The following FLVCR1 variants were observed in gnomAD, a reference collection of about 807,000 sequenced individuals.
FLVCR1 encodes the protein choline/ethanolamine transporter FLVCR1.
FLVCR1 carries 34 observed loss-of-function variants against 53.6 expected under a neutral mutation model. The observed-to-expected ratio is 0.63, with a 90% CI of 0.48 to 0.84. The LOEUF (loss-of-function observed/expected upper bound fraction) is 0.84, where lower values mean the gene tolerates loss of function less well. Among genes scored for constraint, FLVCR1 ranks in the 40% least tolerant of loss-of-function variants. The pLI, the probability that FLVCR1 is intolerant of heterozygous loss-of-function variation, is 0.00. For missense variants in FLVCR1, 677 were observed against 696.7 expected (o/e 0.97, Z 0.32); for synonymous variants, 300 against 286.3 (o/e 1.05, Z -0.48).
rs1241303442 is a variant in FLVCR1, at chr1:212,895,355, G to A, written c.*65G>A. ...AATGTGATCATCCTTGGAGAGAGATGTGAGCACCAAGGCTGGGTTTGTATG... is the reference window on the plus strand; with the variant it reads ...AATGTGATCATCCTTGGAGAGAGATATGAGCACCAAGGCTGGGTTTGTATG... On this transcript the variant is annotated 3_prime_UTR_variant, in exon 10 of 10. Coordinates refer to ENST00000366971, the MANE Select transcript of FLVCR1 (RefSeq NM_014053.4). The A allele has an allele frequency of 4.9e-6, 6 of 1,234,908 alleles. No individual in the cohort carries two copies. Among genetic ancestry groups the A allele is most frequent in the Non-Finnish European group, 7.2e-6 (6 of 834,350 alleles). The allele number at this position is 1,234,908 out of a possible 1,614,324, so 76.5% of individuals were successfully genotyped here.
At position 212,874,916 on chromosome 1, in the gene FLVCR1, T is replaced by TACACACAC. The variant is rs57061343; in HGVS notation, c.1024+2116_1024+2123dup. 5.5e-3 allele frequency among the ~76,000 whole-genome samples: 817 copies of TACACACAC among 149,130 alleles called. 2 individuals are homozygous for TACACACAC. The highest frequency in any genetic ancestry group is 0.022 in the East Asian group (114 of 5,082). ...CTTATAACCAACCCTGTCACAGACGTACACACACACACACACACACACACA... is the reference window on the plus strand; with the variant it reads ...CTTATAACCAACCCTGTCACAGACGTACACACACACACACACACACACACACACACACA... On this transcript the variant is annotated intron_variant, in intron 3 of 9. Coordinates refer to ENST00000366971, the MANE Select transcript of FLVCR1 (RefSeq NM_014053.4).
chr1:212,873,072 C>T (rs182974917), intron 3 of FLVCR1, among the ~76,000 whole-genome samples: 20 of 152,150 alleles, frequency 1.3e-4, no homozygotes, highest in African/African-American at 1.9e-4. Flanking sequence ...TTGAGTTGGC[C>T]GAGGTATGTG....
At chr1:212,891,509 T>C (rs1337217770) in intron 8 of FLVCR1, among the ~76,000 whole-genome samples, 2 of 152,198 alleles carry the variant, frequency 1.3e-5, no homozygotes, top group Admixed American at 1.3e-4. Context: ...TCCTTCAAAT[T>C]ACTTTTACAA....
At chr1:212,879,548 C>T (rs1461954652) in intron 3 of FLVCR1, among the ~76,000 whole-genome samples, 2 of 152,060 alleles carry the variant, frequency 1.3e-5, no homozygotes, top group South Asian at 2.1e-4. Context: ...AAAAAATTAT[C>T]GGTAATAAAG....
At chr1:212,879,630 A>G (rs745666537) in intron 3 of FLVCR1, among the ~76,000 whole-genome samples, 1 of 152,190 alleles carries the variant, frequency 6.6e-6, no homozygotes, top group African/African-American at 2.4e-5. Flanking sequence ...ATCTCTGCTC[A>G]CTGCAGCCTT....
At position 212,898,760 on chromosome 1, in the gene FLVCR1, A is replaced by C. The variant is rs1460158190; in HGVS notation, c.*3470A>C. The C allele has an allele frequency of 2.6e-5, 4 of 152,226 alleles. No individual in the cohort carries two copies. 9.4% of individuals were successfully genotyped at this position (152,226 alleles called of 1,614,324 possible). On this transcript the variant is annotated 3_prime_UTR_variant, in exon 10 of 10. Coordinates refer to ENST00000366971, the MANE Select transcript of FLVCR1 (RefSeq NM_014053.4). Reference sequence around the variant, plus strand: ...TCATTGTGTGAACATCATGAAGTGTACTTACACAAACCTAGGTGGTAGAGC... The same window carrying C: ...TCATTGTGTGAACATCATGAAGTGTCCTTACACAAACCTAGGTGGTAGAGC...
Position 212,858,480 on chromosome 1 carries a change from G to A in FLVCR1, c.28G>A (p.Ala10Thr). The change falls in exon 1 of 10, where the codon GCG becomes ACG. Residue 10 changes from alanine (A) to threonine (T), a missense_variant. Ala to Thr is a moderately conservative substitution (Grantham distance 58). Coordinates refer to ENST00000366971, the MANE Select transcript of FLVCR1 (RefSeq NM_014053.4). Reference sequence around the variant, plus strand: ...GGCGCGGCCAGACGATGAGGAGGGGGCGGCGGTGGCGCCCGGACACCCGCT... The same window carrying A: ...GGCGCGGCCAGACGATGAGGAGGGGACGGCGGTGGCGCCCGGACACCCGCT... MARPDDEEG[A>T]AVAPGHPLAK... 2.1e-6 allele frequency: 3 copies of A among 1,443,112 alleles called. No homozygotes were observed. Among genetic ancestry groups the A allele is most frequent in the Non-Finnish European group, 2.7e-6 (3 of 1,103,012 alleles). The allele number at this position is 1,443,112 out of a possible 1,614,324, so 89.4% of individuals were successfully genotyped here. A position where few individuals can be genotyped will look rare whatever the true frequency, so the allele number is the denominator to read the frequency against.
intron 5 of FLVCR1, among the ~76,000 whole-genome samples, chr1:212,885,965 C>T (rs1240783231): frequency 6.6e-6 from 1 of 151,616 alleles, no homozygotes; most frequent in African/African-American, 2.4e-5. Flanking sequence ...ATACCTACCA[C>T]TTCCGAAGGA....
At chr1:212,863,582 C>T in intron 1 of FLVCR1, 143 bp from the exon 2 acceptor site, 1 of 603,392 alleles carries the variant, frequency 1.7e-6, no homozygotes, top group Non-Finnish European at 2.8e-6. Context: ...GACTTTGTCT[C>T]AAAAAAAAAA....
intron 1 of FLVCR1, among the ~76,000 whole-genome samples, chr1:212,863,207 A>G (rs1488072776): frequency 1.3e-5 from 2 of 152,200 alleles, no homozygotes; most frequent in African/African-American, 2.4e-5. Context: ...CATCACTCAG[A>G]TGGTAGGAAC....
chr1:212,868,288 G>C (rs1481374668), intron 2 of FLVCR1, among the ~76,000 whole-genome samples: 1 of 152,104 alleles, frequency 6.6e-6, no homozygotes, highest in Non-Finnish European at 1.5e-5. Flanking sequence ...TTGTAGACAG[G>C]GTTTCACCAT....
intron 1 of FLVCR1, among the ~76,000 whole-genome samples, chr1:212,861,014 C>T (rs10864009): frequency 0.46 from 70,472 of 152,092 alleles, 17,566 homozygotes; most frequent in Non-Finnish European, 0.56. Flanking sequence ...ATTCATCCAG[C>T]GTGGTCTTTT....
At chr1:212,876,738 T>C (rs574007469) in intron 3 of FLVCR1, among the ~76,000 whole-genome samples, 1 of 152,334 alleles carries the variant, frequency 6.6e-6, no homozygotes, top group African/African-American at 2.4e-5. Context: ...CAGTCTATTA[T>C]TGATGGGCAT....
At chr1:212,894,019 A>G (rs2644554) in intron 8 of FLVCR1, among the ~76,000 whole-genome samples, 149,258 of 152,130 alleles carry the variant, frequency 0.98, 73,277 homozygotes, top group East Asian at 1. Context: ...CAAGTGATCC[A>G]CCCGCCTCGG....
At chr1:212,884,239 CG>C (rs1192531085) in intron 4 of FLVCR1, among the ~76,000 whole-genome samples, 2 of 151,810 alleles carry the variant, frequency 1.3e-5, no homozygotes, top group East Asian at 1.9e-4. Flanking sequence ...GTGGAGGTGG[CG>C]GTGAGCCGAG....
At chr1:212,893,165 C>T (rs1297334235) in intron 8 of FLVCR1, among the ~76,000 whole-genome samples, 1 of 151,798 alleles carries the variant, frequency 6.6e-6, no homozygotes, top group Admixed American at 6.6e-5. Flanking sequence ...AGGCCATTCT[C>T]CTGCCTCAGC....
chr1:212,892,693 A>G (rs1413934315), intron 8 of FLVCR1, among the ~76,000 whole-genome samples: 5 of 152,198 alleles, frequency 3.3e-5, no homozygotes, highest in Admixed American at 2.0e-4. Flanking sequence ...GAGTAATTTC[A>G]ACTTTCAAGT....
chr1:212,861,915 C>G (rs1312965599), intron 1 of FLVCR1, among the ~76,000 whole-genome samples: 2 of 152,114 alleles, frequency 1.3e-5, no homozygotes, highest in African/African-American at 4.8e-5. Context: ...CGTGATCCCC[C>G]CACCTCGGCC....
chr1:212,860,350 G>GTTTTTTTTTTGTTTTTTTTTTT (rs1664187293), intron 1 of FLVCR1, among the ~76,000 whole-genome samples: 45 of 85,838 alleles, frequency 5.2e-4, no homozygotes, highest in Middle Eastern at 6.8e-3. Context: ...TGTGTGTGTG[G>GTTTTTTTTTTGTTTTTTTTTTT]TTTTTTTTTT....
Sources: allele counts gnomAD v4.1 joint callset (sites outside exome capture counted in the v4.1 genomes callset), GRCh38; gene constraint gnomAD v4.1.1; transcripts MANE v1.5; gene names NCBI Gene and HGNC (gene_info 2026-07-23, HGNC 2026-07-21).